The following SLC35F3 variants were observed in gnomAD, a reference collection of about 807,000 sequenced individuals.
SLC35F3 encodes solute carrier family 35 member F3.
SLC35F3 carries 25 observed loss-of-function variants against 49.9 expected under a neutral mutation model. That is an observed-to-expected ratio of 0.50 (90% CI 0.37 to 0.70). The LOEUF (loss-of-function observed/expected upper bound fraction) is 0.70, where lower values mean the gene tolerates loss of function less well. Ranked by LOEUF, SLC35F3 falls within the 30% of genes least tolerant of loss-of-function variation. The pLI, the probability that SLC35F3 is intolerant of heterozygous loss-of-function variation, is 0.00. For synonymous variants in SLC35F3, 275 were observed against 265.4 expected (o/e 1.04, Z -0.35); for missense variants, 525 against 639.8 (o/e 0.82, Z 1.94).
rs79244900 is a variant in SLC35F3 at position 233,905,571 on chromosome 1, C to A, written c.96C>A (p.Ser32=). The change falls in exon 2 of 8, where the codon TCC becomes TCA. Residue 32 remains serine (S), a synonymous_variant. Coordinates refer to ENST00000366618, the MANE Select transcript of SLC35F3 (RefSeq NM_173508.4). ...CGGACGTCAGCCCCCGGAGACTGTC[C>A]GACATCAGCCCCCAGCTCCGGCAGC... is the stretch of plus-strand genomic sequence containing the variant. ...RSPDVSPRRL[S]DISPQLRQLK... is the part of the protein sequence containing the mutation. The A allele has an allele frequency of 6.2e-7, 1 of 1,613,898 alleles. No homozygotes were observed. Among genetic ancestry groups the A allele is most frequent in the South Asian group, 1.1e-5 (1 of 91,082 alleles).
chr1:234,072,004 G>C (rs1664718584), intron 2 of SLC35F3, among the ~76,000 whole-genome samples: 1 of 152,236 alleles, frequency 6.6e-6, no homozygotes, highest in Non-Finnish European at 1.5e-5. Context: ...TTGGGAATGA[G>C]AGAACTTATG....
chr1:234,191,380 TA>T (rs1428210848), intron 2 of SLC35F3, among the ~76,000 whole-genome samples: 1 of 152,074 alleles, frequency 6.6e-6, no homozygotes, highest in Non-Finnish European at 1.5e-5. Context: ...CATGAAAATT[TA>T]AAACCTTTGA....
At chr1:233,930,587 T>G (rs11576361) in intron 2 of SLC35F3, among the ~76,000 whole-genome samples, 71,407 of 151,950 alleles carry the variant, frequency 0.47, 17,063 homozygotes, top group Admixed American at 0.62. Context: ...GCACACATTC[T>G]TTATATAGTA....
intron 2 of SLC35F3, among the ~76,000 whole-genome samples, chr1:234,175,840 G>C (rs1666468931): frequency 6.6e-6 from 1 of 152,150 alleles, no homozygotes; most frequent in African/African-American, 2.4e-5. Flanking sequence ...GTTCCCAGTA[G>C]GATGGCCAGG....
Position 233,919,885 on chromosome 1 carries a change from G to C in SLC35F3, c.283+14127G>C, listed in dbSNP as rs187047597. 3.3e-5 allele frequency among the ~76,000 whole-genome samples: 5 copies of C among 152,282 alleles called. No homozygotes were observed. In the East Asian group the frequency reaches 9.7e-4, roughly 29 times the overall value. On this transcript the variant is annotated intron_variant, in intron 2 of 7. Coordinates refer to ENST00000366618, the MANE Select transcript of SLC35F3 (RefSeq NM_173508.4). ...GGAGAAGGATGGGCTTGTGGCAAGA[G>C]AGAAAGAATCAAACAGGCTTCTCAA...
At chr1:234,201,912 C>CAA (rs11361148) in intron 2 of SLC35F3, among the ~76,000 whole-genome samples, 15,877 of 111,690 alleles carry the variant, frequency 0.14, 2,525 homozygotes, top group East Asian at 0.83. Flanking sequence ...GACTTCTTCT[C>CAA]AAAAAAAAAA....
chr1:234,287,530 C>G (rs1183476300), intron 3 of SLC35F3, among the ~76,000 whole-genome samples: 3 of 152,160 alleles, frequency 2.0e-5, no homozygotes, highest in Admixed American at 6.5e-5. Flanking sequence ...TTATTGAATA[C>G]TTACTATATC....
intron 2 of SLC35F3, among the ~76,000 whole-genome samples, chr1:234,069,256 A>T (rs183389494): frequency 0.039 from 4,373 of 113,582 alleles, 118 homozygotes; most frequent in African/African-American, 0.075. Context: ...TATATATATA[A>T]AATACATTTT....
At chr1:234,001,190 G>A (rs1416806313) in intron 2 of SLC35F3, among the ~76,000 whole-genome samples, 2 of 152,196 alleles carry the variant, frequency 1.3e-5, no homozygotes, top group Admixed American at 6.5e-5. Context: ...GGACCTCAAA[G>A]TGTTCACACT....
intron 2 of SLC35F3, among the ~76,000 whole-genome samples, chr1:233,951,978 C>T (rs905345350): frequency 6.6e-6 from 1 of 151,556 alleles, no homozygotes; most frequent in Non-Finnish European, 1.5e-5. Flanking sequence ...TTCTCCTTTG[C>T]CTGTCTTTCA....
chr1:234,260,301 C>T (rs1429742146), intron 3 of SLC35F3, among the ~76,000 whole-genome samples: 1 of 151,966 alleles, frequency 6.6e-6, no homozygotes, highest in African/African-American at 2.4e-5. Flanking sequence ...CCATATGGAC[C>T]CAAAAGCAAA....
intron 2 of SLC35F3, among the ~76,000 whole-genome samples, chr1:233,962,483 C>G (rs536818533): frequency 2.0e-5 from 3 of 152,312 alleles, no homozygotes; most frequent in African/African-American, 4.8e-5. Context: ...ACACTAATTG[C>G]CAGGCATGCA....
intron 2 of SLC35F3, among the ~76,000 whole-genome samples, chr1:234,204,666 C>T (rs1214429884): frequency 6.6e-6 from 1 of 152,218 alleles, no homozygotes; most frequent in Non-Finnish European, 1.5e-5. Flanking sequence ...TTTAGCCCTC[C>T]AAACCCTGCC....
At chr1:234,288,696 A>C (rs2102984668) in intron 3 of SLC35F3, among the ~76,000 whole-genome samples, 1 of 152,318 alleles carries the variant, frequency 6.6e-6, no homozygotes, top group East Asian at 1.9e-4. Context: ...CAGTTTCACA[A>C]AGTTGCTATT....
At chr1:234,156,872 T>C (rs1666161127) in intron 2 of SLC35F3, among the ~76,000 whole-genome samples, 1 of 152,086 alleles carries the variant, frequency 6.6e-6, no homozygotes, top group Non-Finnish European at 1.5e-5. Flanking sequence ...AAAGGGCACA[T>C]GTTGTATAAC....
chr1:234,069,934 C>A (rs1485752266), intron 2 of SLC35F3, among the ~76,000 whole-genome samples: 2 of 152,160 alleles, frequency 1.3e-5, no homozygotes, highest in African/African-American at 4.8e-5. Flanking sequence ...ACCCTTCATT[C>A]TTACTTGAGC....
chr1:234,151,783 T>C (rs1319805034), intron 2 of SLC35F3, among the ~76,000 whole-genome samples: 1 of 152,110 alleles, frequency 6.6e-6, no homozygotes, highest in Non-Finnish European at 1.5e-5. Context: ...ATACAGCTCA[T>C]AGTAGTTCCT....
At chr1:233,958,706 C>A (rs935569600) in intron 2 of SLC35F3, among the ~76,000 whole-genome samples, 4 of 152,154 alleles carry the variant, frequency 2.6e-5, no homozygotes, top group Non-Finnish European at 5.9e-5. Context: ...ATTTCAAGAT[C>A]CCAGTGGATA....
chr1:234,135,708 T>A (rs1665800287), intron 2 of SLC35F3, among the ~76,000 whole-genome samples: 2 of 152,230 alleles, frequency 1.3e-5, no homozygotes, highest in Non-Finnish European at 2.9e-5. Flanking sequence ...CTCAGGTCTT[T>A]ACTGAAGCTG....
Sources: allele counts gnomAD v4.1 joint callset (sites outside exome capture counted in the v4.1 genomes callset), GRCh38; gene constraint gnomAD v4.1.1; transcripts MANE v1.5; gene names NCBI Gene and HGNC (gene_info 2026-07-23, HGNC 2026-07-21).